KRT9: variants seen among roughly 807,000 people sequenced by gnomAD.
The protein encoded by KRT9 is keratin 9.
A neutral mutation model predicts 51.4 loss-of-function variants in KRT9; 34 were observed. The observed-to-expected ratio is 0.66, with a 90% CI of 0.50 to 0.88. KRT9 has a LOEUF of 0.88. KRT9 is among the 40% of genes least tolerant of loss of function. KRT9 has a pLI of 0.00. For missense variants in KRT9, 753 were observed against 790.3 expected (o/e 0.95, Z 0.57); for synonymous variants, 292 against 289.7 (o/e 1.01, Z -0.08).
chr17:41,566,910 T>C (rs1404941916), intron 7 of KRT9, among the ~76,000 whole-genome samples: 1 of 152,208 alleles, frequency 6.6e-6, no homozygotes, highest in Non-Finnish European at 1.5e-5. Context: ...GCAAATTATT[T>C]TCTCTGAACC....
Position 41,571,444 on chromosome 17 carries a change from AT to A in KRT9, c.548del (p.Asn183IlefsTer36). Reference sequence around the variant, plus strand: ...TCTTGTCGTACCAATCCTGGATCTTATTCTCCAGGTCGTTGTTGGCCTCCTC... The same window carrying A: ...TCTTGTCGTACCAATCCTGGATCTTATCTCCAGGTCGTTGTTGGCCTCCTC... ...ALEEANNDLE[N>X]KIQDWYDKKG... is the part of the protein sequence containing the mutation. On this transcript the variant is annotated frameshift_variant, in exon 1 of 8. Transcript: ENST00000246662. LOFTEE classifies it high-confidence loss of function. 6.2e-7 allele frequency: 1 copy of A among 1,613,848 alleles called. No individual in the cohort carries two copies. The highest frequency in any genetic ancestry group is 1.3e-5 in the African/African-American group (1 of 74,834).
chr17:41,570,789 C>T (rs1278941391), intron 1 of KRT9, among the ~76,000 whole-genome samples: 2 of 152,142 alleles, frequency 1.3e-5, no homozygotes, highest in East Asian at 3.9e-4. Flanking sequence ...ACTATGTCTA[C>T]CCAGAGCAAC....
Position 41,567,586 on chromosome 17 carries a change from T to C in KRT9, c.1559A>G (p.Tyr520Cys), listed in dbSNP as rs1906917457. 6.4e-7 allele frequency: 1 copy of C among 1,555,970 alleles called. No individual in the cohort carries two copies. Among genetic ancestry groups the C allele is most frequent in the African/African-American group, 1.4e-5 (1 of 72,302 alleles). The change falls in exon 7 of 8, where the codon TAC becomes TGC. Residue 520 changes from tyrosine to cysteine, a missense_variant. Around this residue, in one of 3 missense-constraint regions of KRT9, gnomAD observed 507 missense variants for 563.7 expected, o/e 0.90. Transcript: ENST00000246662. Reference protein sequence around the residue: ...SGSRGGSGGSYGGGSGSGGGS... With the variant: ...SGSRGGSGGSCGGGSGSGGGS... The stretch of plus-strand genomic sequence containing the variant: ...TCCTCCAGAACCACTTCCTCCACCG[T>C]AGCTGCCTCCACTTCCTCCCCTGGA...
intron 6 of KRT9, 147 bp downstream of exon 6, chr17:41,568,015 T>TC: frequency 1.1e-6 from 1 of 936,430 alleles, no homozygotes; most frequent in South Asian, 1.6e-5. Context: ...TGCACTGAGG[T>TC]CCCCCCGGCC....
rs762146872 is a variant in KRT9 at position 41,568,345 on chromosome 17, C to T, written c.1211G>A (p.Arg404His). Residue 404 changes from arginine (R) to histidine (H), a missense_variant, in exon 6 of 8, where the codon CGC becomes CAC. Transcript: ENST00000246662. ...LEKSLEDTKN[R>H]YCGQLQMIQE... is the part of the protein sequence containing the mutation. ...GATCATCTGCAGCTGGCCACAGTAGCGGTTCTTCGTGTCTTCCAAGCTCTT... is the reference window on the plus strand; with the variant it reads ...GATCATCTGCAGCTGGCCACAGTAGTGGTTCTTCGTGTCTTCCAAGCTCTT... 20 of 1,614,170 alleles carry T rather than the reference C, an allele frequency of 1.2e-5. No individual in the cohort carries two copies. Among genetic ancestry groups the T allele is most frequent in the East Asian group, 2.2e-5 (1 of 44,878 alleles).
intron 4 of KRT9, 30 bp downstream of exon 4, chr17:41,569,396 G>C (rs777004424): frequency 1.2e-6 from 2 of 1,607,826 alleles, no homozygotes; most frequent in Admixed American, 3.4e-5. Flanking sequence ...TGGAGGGGAG[G>C]AGGATGAATG....
chr17:41,571,438 G>A lies in KRT9; in HGVS notation c.555C>T (p.Ile185=). Reference sequence around the variant, plus strand: ...GTCCCTTCTTGTCGTACCAATCCTGGATCTTATTCTCCAGGTCGTTGTTGG... The same window carrying A: ...GTCCCTTCTTGTCGTACCAATCCTGAATCTTATTCTCCAGGTCGTTGTTGG... The part of the protein sequence containing the change: ...EEANNDLENK[I]QDWYDKKGPA... Residue 185 remains isoleucine, a synonymous_variant, in exon 1 of 8, where the codon ATC becomes ATT. Transcript: ENST00000246662. The A allele has an allele frequency of 1.2e-6, 2 of 1,613,932 alleles. No individual in the cohort carries two copies. The highest frequency in any genetic ancestry group is 1.7e-6 in the Non-Finnish European group (2 of 1,179,976).
rs748136053 is a variant in KRT9, at chr17:41,568,566, G to T, written c.1112C>A (p.Thr371Asn). 1 of 1,614,016 alleles carries T rather than the reference G, an allele frequency of 6.2e-7. No individual in the cohort carries two copies. Among genetic ancestry groups the T allele is most frequent in the Non-Finnish European group, 8.5e-7 (1 of 1,180,006 alleles). The change falls in exon 5 of 8, where the codon ACC (threonine) becomes AAC (asparagine). Residue 371 changes from threonine to asparagine, a missense_variant. By Grantham distance (65) the Thr-to-Asn change is moderately conservative. Transcript: ENST00000246662. The stretch of plus-strand genomic sequence containing the variant: ...CTCCTGGACACCGTGCCGGAGCTGG[G>T]TCACCTCCTTGGCACTGGACTGCAC... ...QEVQSSAKEV[T>N]QLRHGVQELE... is the part of the protein sequence containing the mutation.
rs12947055 is a variant in KRT9 at position 41,567,313 on chromosome 17, C to T, written c.1832G>A (p.Gly611Asp). The change falls in exon 7 of 8, where the codon GGC (glycine) becomes GAC (aspartate). Residue 611 changes from glycine to aspartate, a missense_variant. This residue lies in a region of KRT9 where 507 missense variants were observed against 563.7 expected (regional missense o/e 0.90). Transcript: ENST00000246662. ...GGGEEASGSGGGYGGGSGKSS... is the reference protein window; with the variant it reads ...GGGEEASGSGDGYGGGSGKSS... Reference sequence around the variant, plus strand: ...TTTTCCGCTTCCTCCTCCGTAGCCGCCACCACTTCCACTCGCTTCTTCACC... The same window carrying T: ...TTTTCCGCTTCCTCCTCCGTAGCCGTCACCACTTCCACTCGCTTCTTCACC... 1.2e-6 allele frequency: 2 copies of T among 1,614,206 alleles called. No individual in the cohort carries two copies. The highest frequency in any genetic ancestry group is 1.7e-6 in the Non-Finnish European group (2 of 1,180,036).
At position 41,568,034 on chromosome 17, in the gene KRT9, G is replaced by T. The variant is rs368197157; in HGVS notation, c.1394+128C>A. On this transcript the variant is annotated intron_variant, in intron 6 of 7. Transcript: ENST00000246662. ...CTGAGGTCCCCCCGGCCCCCAGGAT[G>T]AAGAAGTCCTCAACCCATAAGACCC... The T allele has an allele frequency of 1.3e-5, 13 of 979,512 alleles. No homozygotes were observed. In the Admixed American group the frequency reaches 2.9e-4, roughly 22 times the overall value. The allele number at this position is 979,512 out of a possible 1,614,324, so 60.7% of individuals were successfully genotyped here. A position where few individuals can be genotyped will look rare whatever the true frequency, so the allele number is the denominator to read the frequency against.
chr17:41,567,720 A>G lies in KRT9; in HGVS notation c.1425T>C (p.Leu475=), dbSNP rs1906925297. 1 of 1,614,144 alleles carries G rather than the reference A, an allele frequency of 6.2e-7. No homozygotes were observed. The highest frequency in any genetic ancestry group is 8.5e-7 in the Non-Finnish European group (1 of 1,180,012). The change falls in exon 7 of 8, where the codon CTT becomes CTC. Residue 475 remains leucine, a synonymous_variant. Transcript: ENST00000246662. ...FESSGAGKIG[L]GGRGGSGGSY... ...TGCCTCCACTTCCTCCTCGACCTCC[A>G]AGGCCAATTTTTCCAGCTCCGGAGG...
chr17:41,567,192 G>T, intron 7 of KRT9, 41 bp downstream of exon 7: 1 of 1,604,490 alleles, frequency 6.2e-7, no homozygotes, highest in Non-Finnish European at 8.5e-7. Flanking sequence ...AAAAAGGTGA[G>T]ACCTTGACTC....
Position 41,571,885 on chromosome 17 carries a change from G to A in KRT9, c.108C>T (p.Ser36=). The change falls in exon 1 of 8, where the codon AGC becomes AGT. Residue 36 remains serine (S), a synonymous_variant. Transcript: ENST00000246662. ...GSIRSSYSRF[S]SSGGGGGGGR... ...CCCCTCCTCCACCGCCCCCTGAGGA[G>A]CTGAAGCGGCTGTAGGAAGACCTTA... The A allele has an allele frequency of 6.2e-7, 1 of 1,610,234 alleles. No homozygotes were observed. The highest frequency in any genetic ancestry group is 8.5e-7 in the Non-Finnish European group (1 of 1,178,434).
At chr17:41,570,112 G>C (rs974325852) in intron 2 of KRT9, 26 bp downstream of exon 2, 2 of 1,612,394 alleles carry the variant, frequency 1.2e-6, no homozygotes, top group African/African-American at 2.7e-5. Context: ...CTGATGACAG[G>C]AGAGGAGAAG....
intron 4 of KRT9, among the ~76,000 whole-genome samples, 171 bp downstream of exon 4, chr17:41,569,255 T>C (rs1906986672): frequency 1.3e-5 from 2 of 152,192 alleles, no homozygotes; most frequent in East Asian, 3.8e-4. Flanking sequence ...TTTGTAATGA[T>C]GTTTGTATGC....
rs199584560 is a variant in KRT9 at position 41,569,818 on chromosome 17, T to C, written c.882+41A>G. 18 of 1,612,310 alleles carry C rather than the reference T, an allele frequency of 1.1e-5. No individual in the cohort carries two copies. In the African/African-American group the frequency reaches 1.7e-4, roughly 16 times the overall value. The stretch of plus-strand genomic sequence containing the variant: ...TCCCCTGCTGTCTCTGCATTTCTGC[T>C]CCTCCCTCTTCCCGGTAAGCCATAA... On this transcript the variant is annotated intron_variant, in intron 3 of 7. Transcript: ENST00000246662.
Position 41,572,042 on chromosome 17 carries a change from G to A in KRT9, c.-50C>T, listed in dbSNP as rs768450433. ...GAGAAGCAGTGATAGGAGTGCTACC[G>A]GCTCCCAAGTGCAGGGTACAGAGCT... On this transcript the variant is annotated 5_prime_UTR_variant, in exon 1 of 8. Transcript: ENST00000246662. 30 of 1,541,640 alleles carry A rather than the reference G, an allele frequency of 1.9e-5. No homozygotes were observed. Among genetic ancestry groups the A allele is most frequent in the Admixed American group, 3.9e-5 (2 of 51,432 alleles).
At chr17:41,569,026 C>T (rs1344284301) in intron 4 of KRT9, among the ~76,000 whole-genome samples, 1 of 152,050 alleles carries the variant, frequency 6.6e-6, no homozygotes, top group Non-Finnish European at 1.5e-5. Context: ...CGAAGGGAAC[C>T]ACCAAGGAGC....
Position 41,568,497 on chromosome 17 carries a change from G to A in KRT9, c.1170+11C>T. Reference sequence around the variant, plus strand: ...CCACCTTGGCAAAGGGTCTATAGCAGAACTACCAACCTTGCTGAGCTGAGA... The same window carrying A: ...CCACCTTGGCAAAGGGTCTATAGCAAAACTACCAACCTTGCTGAGCTGAGA... On this transcript the variant is annotated intron_variant, in intron 5 of 7. Coordinates refer to ENST00000246662, the MANE Select transcript of KRT9 (RefSeq NM_000226.4). The A allele has an allele frequency of 2.5e-6, 4 of 1,614,190 alleles. No individual in the cohort carries two copies. The highest frequency in any genetic ancestry group is 1.1e-5 in the South Asian group (1 of 91,068).
Sources: allele counts gnomAD v4.1 joint callset (sites outside exome capture counted in the v4.1 genomes callset), GRCh38; gene constraint gnomAD v4.1.1; regional missense constraint gnomAD v4.1.1; transcripts MANE v1.5; gene names NCBI Gene and HGNC (gene_info 2026-07-23, HGNC 2026-07-21).